Variants in PLEC observed in about 807,000 individuals in gnomAD.
The protein encoded by PLEC is plectin.
In PLEC, 216 loss-of-function variants were observed where a neutral mutation model predicts 392.8. The ratio of observed to expected loss-of-function variants is 0.55; its 90% CI spans 0.49 to 0.62. The LOEUF (loss-of-function observed/expected upper bound fraction) is 0.62. Ranked by LOEUF, PLEC falls within the 20% of genes least tolerant of loss-of-function variation. The pLI is 0.00. For missense variants in PLEC, 6,863 were observed against 6,563.4 expected (o/e 1.05, Z -1.58); for synonymous variants, 3,621 against 2,980.6 (o/e 1.21, Z -7.00).
At chr8:143,968,400 T>C (rs1057358553) in intron 1 of PLEC, among the ~76,000 whole-genome samples, 1 of 151,404 alleles carries the variant, frequency 6.6e-6, no homozygotes, top group Non-Finnish European at 1.5e-5. Flanking sequence ...CGAAGCCCCA[T>C]CTCTACTAAA....
Position 143,925,529 on chromosome 8 carries a change from T to TGGC in PLEC, c.4397_4399dup (p.Arg1466dup). 6.3e-7 allele frequency: 1 copy of TGGC among 1,594,786 alleles called. No homozygotes were observed. The highest frequency in any genetic ancestry group is 8.5e-7 in the Non-Finnish European group (1 of 1,177,650). ...CAGCTCCCCCTCAGCCCCGCCACGC[T>TGGC]GGCGCTCGGTGGCCTCCAACTGCAG... On this transcript the variant is annotated inframe_insertion, in exon 31 of 32. Transcript: ENST00000345136.
Position 143,950,183 on chromosome 8 carries a change from C to T in PLEC, c.523+1G>A. The T allele has an allele frequency of 6.6e-7, 1 of 1,516,246 alleles. No individual in the cohort carries two copies. The highest frequency in any genetic ancestry group is 8.9e-7 in the Non-Finnish European group (1 of 1,128,104). 93.9% of individuals were successfully genotyped at this position (1,516,246 alleles called of 1,614,324 possible). A position where few individuals can be genotyped will look rare whatever the true frequency, so the allele number is the denominator to read the frequency against. On this transcript the variant is annotated splice_donor_variant, in intron 1 of 31. Coordinates refer to the PLEC transcript ENST00000322810. LOFTEE classifies it high-confidence loss of function. ...TGACTTGGGGTCAGGGTGCAGCTGA[C>T]CTGTGGCTGGGGCAGGCTCCGGGCC...
intron 1 of PLEC, among the ~76,000 whole-genome samples, chr8:143,972,532 C>A (rs572432550): frequency 9.1e-4 from 139 of 152,356 alleles, no homozygotes; most frequent in Non-Finnish European, 2.2e-4. Context: ...TCTCCCTGAG[C>A]TGCCCTTGGG....
chr8:143,952,406 G>A (rs1199629080), upstream of PLEC, among the ~76,000 whole-genome samples: 4 of 152,136 alleles, frequency 2.6e-5, no homozygotes, highest in Non-Finnish European at 5.9e-5. Context: ...GAAGATGTAG[G>A]GACCACAGTG....
upstream of PLEC, chr8:143,942,564 C>T: frequency 6.7e-7 from 1 of 1,498,950 alleles, no homozygotes; most frequent in Non-Finnish European, 8.9e-7. Flanking sequence ...GTGCGGGGAG[C>T]TGGACCGCGG....
In PLEC at chr8:143,934,034, C is replaced by T. The variant is rs201173462; in HGVS notation, c.1227G>A (p.Glu409=). 1.2e-6 allele frequency: 2 copies of T among 1,611,516 alleles called. No homozygotes were observed. Among genetic ancestry groups the T allele is most frequent in the Non-Finnish European group, 8.5e-7 (1 of 1,179,448 alleles). Residue 409 remains glutamate (E), a synonymous_variant, in exon 12 of 32, where the codon GAG becomes GAA. Transcript: ENST00000345136. ...GGGCGTCGGCCTGGTTCAGCTGCTC[C>T]TCACACAGCCCCGCCTCCATCTGCA... ...TKLQMEAGLC[E]EQLNQADALL...
chr8:143,945,686 C>T (rs984716207), intron 1 of PLEC, among the ~76,000 whole-genome samples: 3 of 152,210 alleles, frequency 2.0e-5, no homozygotes, highest in African/African-American at 7.2e-5. Context: ...CCATCTGAGC[C>T]CAGGTGGCCT....
chr8:143,918,755 G>A lies in PLEC; in HGVS notation c.11066C>T (p.Thr3689Met), dbSNP rs377252521. 94 of 1,612,946 alleles carry A rather than the reference G, an allele frequency of 5.8e-5. No homozygotes were observed. Among genetic ancestry groups the A allele is most frequent in the African/African-American group, 1.7e-4 (13 of 74,936 alleles). The change falls in exon 32 of 32, where the codon ACG (threonine) becomes ATG (methionine). Residue 3689 changes from threonine (T) to methionine (M), a missense_variant. Physicochemically the swap from Thr to Met is moderately conservative, Grantham distance 81. Transcript: ENST00000345136. Reference protein sequence around the residue: ...AESAWCYLYGTGSVAGVYLPG... With the variant: ...AESAWCYLYGMGSVAGVYLPG... ...CAGGTAGACACCAGCCACGGAGCCC[G>A]TGCCATAGAGGTAGCACCAGGCGGA...
intron 12 of PLEC, 56 bp from the exon 13 acceptor site, chr8:143,933,407 G>C (rs996347826): frequency 1.4e-4 from 216 of 1,599,476 alleles, no homozygotes; most frequent in Non-Finnish European, 1.7e-4. Flanking sequence ...GACCTCACAG[G>C]GGCCCCGGCC....
chr8:143,930,807 T>A (rs1049862582), intron 19 of PLEC, among the ~76,000 whole-genome samples: 1 of 152,130 alleles, frequency 6.6e-6, no homozygotes, highest in African/African-American at 2.4e-5. Context: ...GTCCCTACAA[T>A]GCCCTCGCCC....
rs781934037 is a variant in PLEC at position 143,920,626 on chromosome 8, C to T, written c.9195G>A (p.Gly3065=). ...VALLEAQAGT[G]HIIDPATSAR... ...CGCTGGTGGCGGGGTCGATGATGTG[C>T]CCGGTGCCGGCCTGGGCTTCCAACA... Residue 3065 remains glycine, a synonymous_variant, in exon 32 of 32, where the codon GGG becomes GGA. Coordinates refer to ENST00000345136, the MANE Select transcript of PLEC (RefSeq NM_201384.3). 7 of 1,606,880 alleles carry T rather than the reference C, an allele frequency of 4.4e-6. No homozygotes were observed. The highest frequency in any genetic ancestry group is 4.5e-5 in the East Asian group (2 of 44,878).
upstream of PLEC, chr8:143,943,842 C>A (rs782695120): frequency 5.6e-6 from 9 of 1,612,348 alleles, no homozygotes; most frequent in Non-Finnish European, 7.6e-6. Context: ...AGGGTGACAA[C>A]GTGACCCACA....
intron 1 of PLEC, among the ~76,000 whole-genome samples, chr8:143,965,229 G>C (rs1256403299): frequency 2.0e-5 from 3 of 152,064 alleles, no homozygotes; most frequent in Admixed American, 2.0e-4. Context: ...CTGGTCCTGG[G>C]TCTCCTCTGC....
intron 1 of PLEC, chr8:143,944,797 G>T: frequency 1.0e-6 from 1 of 969,056 alleles, no homozygotes; most frequent in Non-Finnish European, 1.4e-6. Flanking sequence ...GCTGCTGTCA[G>T]CAGCAGCTTG....
chr8:143,950,571 G>C, exon 1 of PLEC: 1 of 1,608,562 alleles, frequency 6.2e-7, no homozygotes. Context: ...ATGACCTGCA[G>C]GTTGGTGACG....
At position 143,916,474 on chromosome 8, in the gene PLEC, C is replaced by A. The variant is rs368660987; in HGVS notation, c.13347G>T (p.Ala4449=). 10 of 1,611,256 alleles carry A rather than the reference C, an allele frequency of 6.2e-6. No individual in the cohort carries two copies. Among genetic ancestry groups the A allele is most frequent in the Non-Finnish European group, 6.8e-6 (8 of 1,179,334 alleles). The change falls in exon 32 of 32, where the codon GCG becomes GCT. Residue 4449 remains alanine, a synonymous_variant. Transcript: ENST00000345136. ...CCTCCTCCACCATGCTGCGGTCCAG[C>A]GCGTCCTTATAGGAGATCTTGAGCT... ...KTKLKISYKD[A]LDRSMVEEGT...
upstream of PLEC, chr8:143,950,885 GTGGCTCGTGGCGCC>G: frequency 2.3e-6 from 3 of 1,292,046 alleles, no homozygotes; most frequent in Non-Finnish European, 3.1e-6. Flanking sequence ...TCCCGGCTGT[GTGGCTCGTGGCGCC>G]TGGCTCCGTG....
At position 143,918,598 on chromosome 8, in the gene PLEC, C is replaced by T; in HGVS notation, c.11223G>A (p.Arg3741=). The change falls in exon 32 of 32, where the codon CGG becomes CGA. Residue 3741 remains arginine (R), a synonymous_variant. Transcript: ENST00000345136. ...TCCGCACAGCCTCATCCACAGTCAG[C>T]CGCTCCCCCTTCACCGGGTCCAGCA... ...GFLLDPVKGE[R]LTVDEAVRKG... 1.2e-6 allele frequency: 2 copies of T among 1,612,480 alleles called. No individual in the cohort carries two copies. Among genetic ancestry groups the T allele is most frequent in the Non-Finnish European group, 1.7e-6 (2 of 1,179,956 alleles).
At chr8:143,966,036 C>T (rs1289730115) in intron 1 of PLEC, among the ~76,000 whole-genome samples, 1 of 152,144 alleles carries the variant, frequency 6.6e-6, no homozygotes, top group Admixed American at 6.5e-5. Flanking sequence ...ACCAGCAGGG[C>T]CTCCTGAGCA....
Sources: allele counts gnomAD v4.1 joint callset (sites outside exome capture counted in the v4.1 genomes callset), GRCh38; gene constraint gnomAD v4.1.1; transcripts MANE v1.5; gene names NCBI Gene and HGNC (gene_info 2026-07-23, HGNC 2026-07-21).